HERC6: variants seen among roughly 807,000 people sequenced by gnomAD.
The protein encoded by HERC6 is probable E3 ubiquitin-protein ligase HERC6.
A neutral mutation model predicts 114.5 loss-of-function variants in HERC6; 101 were observed. That is an observed-to-expected ratio of 0.88 (90% confidence interval 0.75 to 1.04). HERC6 has a LOEUF of 1.04. Ranked by LOEUF, HERC6 falls within the 50% of genes least tolerant of loss-of-function variation. The pLI, the probability that HERC6 is intolerant of heterozygous loss-of-function variation, is 0.00. For synonymous variants in HERC6, 408 were observed against 436.2 expected (o/e 0.94, Z 0.81); for missense variants, 1,133 against 1,230.9 (o/e 0.92, Z 1.19).
In HERC6 at chr4:88,398,202, C is replaced by G; in HGVS notation, c.1085C>G (p.Thr362Ser). 6.3e-7 allele frequency: 1 copy of G among 1,583,836 alleles called. No homozygotes were observed. Among genetic ancestry groups the G allele is most frequent in the Non-Finnish European group, 8.6e-7 (1 of 1,164,944 alleles). ...GGAACATATGCCAACTTTGTGACAACTCATCAGGTATCTATTATACTTTTT... is the reference window on the plus strand; with the variant it reads ...GGAACATATGCCAACTTTGTGACAAGTCATCAGGTATCTATTATACTTTTT... Reference protein sequence around the residue: ...FAGTYANFVTTHQDTSSTRAP... With the variant: ...FAGTYANFVTSHQDTSSTRAP... The change falls in exon 8 of 23, where the codon ACT (threonine) becomes AGT (serine). Residue 362 changes from threonine (T) to serine (S), a missense_variant. Physicochemically the swap from Thr to Ser is moderately conservative, Grantham distance 58. Coordinates refer to ENST00000264346, the MANE Select transcript of HERC6 (RefSeq NM_017912.4).
chr4:88,421,009 C>G (rs1433817790), intron 13 of HERC6, among the ~76,000 whole-genome samples: 1 of 152,136 alleles, frequency 6.6e-6, no homozygotes, highest in African/African-American at 2.4e-5. Context: ...TTTGCCTATT[C>G]TGGACATTTT....
intron 5 of HERC6, among the ~76,000 whole-genome samples, chr4:88,394,066 A>G (rs1735069242): frequency 6.6e-6 from 1 of 152,228 alleles, no homozygotes; most frequent in South Asian, 2.1e-4. Flanking sequence ...AGACAGAGCC[A>G]TTCAGTGTAC....
chr4:88,417,673 A>G, intron 13 of HERC6, 94 bp downstream of exon 13: 1 of 1,009,268 alleles, frequency 9.9e-7, no homozygotes, highest in East Asian at 2.7e-5. Flanking sequence ...TCAAATAAAA[A>G]TCATGAGGAG....
In HERC6 at chr4:88,390,731, G is replaced by C; in HGVS notation, c.516G>C (p.Pro172=). The change falls in exon 4 of 23, where the codon CCG becomes CCC. Residue 172 remains proline, a synonymous_variant. Coordinates refer to ENST00000264346, the MANE Select transcript of HERC6 (RefSeq NM_017912.4). ...AGGAGTTCCCCTCCCAAGCCAGCCC[G>C]CAGAGGGTGAGGTCCCTGGAGGGGA... ...LGKEFPSQAS[P]QRVRSLEGIP... is the part of the protein sequence containing the mutation. The C allele has an allele frequency of 6.2e-7, 1 of 1,614,122 alleles. No homozygotes were observed. Among genetic ancestry groups the C allele is most frequent in the Non-Finnish European group, 8.5e-7 (1 of 1,180,006 alleles).
chr4:88,408,612 T>G lies in HERC6; in HGVS notation c.1363T>G (p.Ser455Ala). The change falls in exon 11 of 23, where the codon TCC (serine) becomes GCC (alanine). Residue 455 changes from serine (S) to alanine (A), a missense_variant. Ser to Ala is a moderately conservative substitution (Grantham distance 99). Coordinates refer to ENST00000264346, the MANE Select transcript of HERC6 (RefSeq NM_017912.4). The stretch of plus-strand genomic sequence containing the variant: ...GTTAACAAAAAAGGAATGGATTTCT[T>G]CCATGGTAATAGCCAATACTTACTT... ...KKLTKKEWIS[S>A]MITTCLEDDL... The G allele has an allele frequency of 6.4e-7, 1 of 1,558,288 alleles. No individual in the cohort carries two copies. Among genetic ancestry groups the G allele is most frequent in the Non-Finnish European group, 8.8e-7 (1 of 1,142,298 alleles).
Position 88,408,556 on chromosome 4 carries a change from AC to A in HERC6, c.1308del (p.Leu437Ter). ...GTGETTSIDV[D>X]LEMARDTFKK... ...GGAGAAACGACTTCCATTGATGTGGACTTAGAAATGGCAAGAGATACCTTCA... is the reference window on the plus strand; with the variant it reads ...GGAGAAACGACTTCCATTGATGTGGATTAGAAATGGCAAGAGATACCTTCA... On this transcript the variant is annotated frameshift_variant, in exon 11 of 23. Coordinates refer to ENST00000264346, the MANE Select transcript of HERC6 (RefSeq NM_017912.4). LOFTEE classifies it high-confidence loss of function. 1 of 1,600,600 alleles carries A rather than the reference AC, an allele frequency of 6.2e-7. No homozygotes were observed. Among genetic ancestry groups the A allele is most frequent in the Non-Finnish European group, 8.5e-7 (1 of 1,173,210 alleles).
intron 2 of HERC6, among the ~76,000 whole-genome samples, chr4:88,383,980 A>G (rs1734451202): frequency 6.6e-6 from 1 of 152,078 alleles, no homozygotes; most frequent in Non-Finnish European, 1.5e-5. Flanking sequence ...GAGTGGGTAT[A>G]AAGACCACTG....
chr4:88,412,792 C>T (rs1008514371), intron 11 of HERC6, among the ~76,000 whole-genome samples: 8 of 152,092 alleles, frequency 5.3e-5, no homozygotes, highest in Non-Finnish European at 1.0e-4. Flanking sequence ...GCTTTGTATT[C>T]GTTTTGAATC....
At chr4:88,414,640 TC>T (rs1736325798) in intron 12 of HERC6, among the ~76,000 whole-genome samples, 1 of 152,170 alleles carries the variant, frequency 6.6e-6, no homozygotes, top group South Asian at 2.1e-4. Flanking sequence ...TATTCATACC[TC>T]CCCTTTTTAG....
chr4:88,408,563 A>G lies in HERC6; in HGVS notation c.1314A>G (p.Glu438=), dbSNP rs1409901094. ...GETTSIDVDL[E]MARDTFKKLT... is the part of the protein sequence containing the mutation. ...CGACTTCCATTGATGTGGACTTAGA[A>G]ATGGCAAGAGATACCTTCAAGAAGT... Residue 438 remains glutamate (E), a synonymous_variant, in exon 11 of 23, where the codon GAA becomes GAG. Transcript: ENST00000264346. 2.5e-6 allele frequency: 4 copies of G among 1,600,056 alleles called. No homozygotes were observed. The highest frequency in any genetic ancestry group is 3.4e-6 in the Non-Finnish European group (4 of 1,173,038).
intron 11 of HERC6, among the ~76,000 whole-genome samples, chr4:88,412,626 A>T (rs938850571): frequency 6.6e-6 from 1 of 152,216 alleles, no homozygotes; most frequent in Non-Finnish European, 1.5e-5. Flanking sequence ...AATAAATAAT[A>T]TAAAAATTTA....
chr4:88,379,294 G>A (rs1330876589), intron 1 of HERC6, among the ~76,000 whole-genome samples, 174 bp downstream of exon 1: 1 of 152,144 alleles, frequency 6.6e-6, no homozygotes, highest in Non-Finnish European at 1.5e-5. Context: ...GCAGGGAGGG[G>A]TGCTGGGAGC....
chr4:88,421,725 C>A (rs1436102861), intron 13 of HERC6, among the ~76,000 whole-genome samples: 1 of 152,158 alleles, frequency 6.6e-6, no homozygotes, highest in Non-Finnish European at 1.5e-5. Context: ...GGATTACAGG[C>A]ATAAGCCACC....
At chr4:88,420,925 TC>T (rs1736985116) in intron 13 of HERC6, among the ~76,000 whole-genome samples, 2 of 151,980 alleles carry the variant, frequency 1.3e-5, no homozygotes. Context: ...CATTCCCCAT[TC>T]CCCCTCAACT....
At chr4:88,397,958 A>T (rs1735331951) in intron 7 of HERC6, 184 bp from the exon 8 acceptor site, 1 of 536,956 alleles carries the variant, frequency 1.9e-6, no homozygotes, top group East Asian at 3.3e-5. Context: ...ATCAAAACTG[A>T]TCTTTTATTT....
chr4:88,380,317 A>C lies in HERC6; in HGVS notation c.199+1197A>C, dbSNP rs866842777. ...TATATAAATATATATATAATATATA[A>C]ATATATATATAATATATAAATATAT... On this transcript the variant is annotated intron_variant, in intron 1 of 22. Coordinates refer to ENST00000264346, the MANE Select transcript of HERC6 (RefSeq NM_017912.4). Among the ~76,000 whole-genome samples, 31 of 8,468 alleles carry C rather than the reference A, an allele frequency of 3.7e-3. 1 individual carries two copies. Among genetic ancestry groups the C allele is most frequent in the Non-Finnish European group, 5.3e-3 (29 of 5,428 alleles). 5.6% of individuals were successfully genotyped at this position (8,468 alleles called of 152,430 possible).
intron 12 of HERC6, among the ~76,000 whole-genome samples, chr4:88,415,932 C>T (rs1736432758): frequency 6.6e-6 from 1 of 152,094 alleles, no homozygotes. Context: ...AGGTGATGGC[C>T]TAAAGTGTGG....
Position 88,378,942 on chromosome 4 carries a change from C to T in HERC6, c.21C>T (p.Ala7=), listed in dbSNP as rs766382580. The change falls in exon 1 of 23, where the codon GCC becomes GCT. Residue 7 remains alanine, a synonymous_variant. Coordinates refer to ENST00000264346, the MANE Select transcript of HERC6 (RefSeq NM_017912.4). The part of the protein sequence containing the change: MYFCWG[A]DSRELQRRRT... ...GCGGGATGTACTTCTGTTGGGGCGC[C>T]GACTCCAGGGAGCTGCAGCGCCGGA... The T allele has an allele frequency of 6.3e-7, 1 of 1,593,982 alleles. No individual in the cohort carries two copies. Among genetic ancestry groups the T allele is most frequent in the Non-Finnish European group, 8.5e-7 (1 of 1,171,196 alleles).
At chr4:88,438,342 T>C (rs530299044) in intron 20 of HERC6, among the ~76,000 whole-genome samples, 28 of 152,244 alleles carry the variant, frequency 1.8e-4, no homozygotes, top group African/African-American at 6.5e-4. Flanking sequence ...GGAGATACAG[T>C]AGTCAAAAAG....
Sources: allele counts gnomAD v4.1 joint callset (sites outside exome capture counted in the v4.1 genomes callset), GRCh38; gene constraint gnomAD v4.1.1; transcripts MANE v1.5; gene names NCBI Gene and HGNC (gene_info 2026-07-23, HGNC 2026-07-21).